Variants in JPT2 observed in about 807,000 individuals in gnomAD.
The protein encoded by JPT2 is Jupiter microtubule associated homolog 2.
A neutral mutation model predicts 15.9 loss-of-function variants in JPT2; 9 were observed. The ratio of observed to expected loss-of-function variants is 0.57; its 90% CI spans 0.34 to 0.99. The LOEUF (loss-of-function observed/expected upper bound fraction) is 0.99. Among genes scored for constraint, JPT2 ranks in the 50% least tolerant of loss-of-function variants. The probability of loss-of-function intolerance (pLI) is 0.02; values close to 1 mark genes in which losing one functional copy is unlikely to be tolerated. For missense variants in JPT2, 267 were observed against 252.1 expected, an observed-to-expected ratio of 1.06 and a Z score of -0.40; for synonymous variants, 95 against 91.7, an observed-to-expected ratio of 1.04 and a Z score of -0.21.
chr16:1,694,359 C>T (rs1035853104), intron 3 of JPT2, among the ~76,000 whole-genome samples: 3 of 152,142 alleles, frequency 2.0e-5, no homozygotes, highest in Admixed American at 6.6e-5. Context: ...CACAGAGCTG[C>T]GCTCAGAACA....
Position 1,699,858 on chromosome 16 carries a change from C to A in JPT2, c.*860C>A. ...ATGAGGCCCGCTGACCTCTGCGGGACTTTAAAAATCTATTCAGATATTTCC... is the reference window on the plus strand; with the variant it reads ...ATGAGGCCCGCTGACCTCTGCGGGAATTTAAAAATCTATTCAGATATTTCC... On this transcript the variant is annotated 3_prime_UTR_variant, in exon 5 of 5. Transcript: ENST00000248098. The A allele has an allele frequency of 3.5e-6, 1 of 285,068 alleles. No individual in the cohort carries two copies. Among genetic ancestry groups the A allele is most frequent in the Non-Finnish European group, 7.2e-6 (1 of 138,662 alleles). 17.7% of individuals were successfully genotyped at this position (285,068 alleles called of 1,614,324 possible). A position where few individuals can be genotyped will look rare whatever the true frequency, so the allele number is the denominator to read the frequency against.
intron 1 of JPT2, among the ~76,000 whole-genome samples, chr16:1,682,303 G>C (rs555779219): frequency 1.6e-4 from 25 of 152,210 alleles, no homozygotes; most frequent in African/African-American, 6.0e-4. Flanking sequence ...CTTGAACCTG[G>C]GAGGTGGAGG....
intron 2 of JPT2, chr16:1,690,594 T>G (rs2037097827): frequency 6.6e-6 from 1 of 152,202 alleles, no homozygotes; most frequent in Admixed American, 6.5e-5. Context: ...ATCAAAACTC[T>G]GTAAACAAAA....
intron 1 of JPT2, chr16:1,680,252 G>A: frequency 3.5e-6 from 3 of 851,802 alleles, no homozygotes; most frequent in Non-Finnish European, 4.3e-6. Flanking sequence ...CATTTAGTAC[G>A]TTTCCTTTTT....
chr16:1,698,944 T>C lies in JPT2; in HGVS notation c.519T>C (p.Ser173=), dbSNP rs1438266930. The change falls in exon 5 of 5, where the codon TCT becomes TCC. Residue 173 remains serine (S), a synonymous_variant. Transcript: ENST00000248098. This position sits in a 1 kb window ranked among gnomAD's most constrained non-coding sequence, Gnocchi z 4.9. ...CCCGGCTGGGGCCGCGGCCTCGCTC[T>C]CACAACAAGGTCCTGAACCCACCGG... ...HEPRLGPRPR[S]HNKVLNPPGG... The C allele has an allele frequency of 5.0e-6, 8 of 1,614,002 alleles. No homozygotes were observed. The highest frequency in any genetic ancestry group is 1.3e-5 in the African/African-American group (1 of 74,950).
In JPT2 at chr16:1,698,070, C is replaced by G. The variant is rs1306384288; in HGVS notation, c.385+210C>G. Among the ~76,000 whole-genome samples the G allele has an allele frequency of 1.3e-5, 2 of 152,242 alleles. No individual in the cohort carries two copies. Among genetic ancestry groups the G allele is most frequent in the Non-Finnish European group, 2.9e-5 (2 of 68,048 alleles). On this transcript the variant is annotated intron_variant, in intron 4 of 4. Coordinates refer to ENST00000248098, the MANE Select transcript of JPT2 (RefSeq NM_144570.3). The surrounding 1 kb of genome is among the most constrained non-coding windows in gnomAD (Gnocchi z 4.9). ...GGGACTTGGTTGTCTTGCTCATCAG[C>G]CTAGGCCCAGGGCCATGGGGTCGTC...
At chr16:1,679,433 C>T (rs939583802) in intron 1 of JPT2, among the ~76,000 whole-genome samples, 1 of 152,144 alleles carries the variant, frequency 6.6e-6, no homozygotes, top group Non-Finnish European at 1.5e-5. Context: ...TGGTGGCTCA[C>T]ACCTGTAATC....
intron 2 of JPT2, chr16:1,688,901 T>C (rs2037085967): frequency 1.3e-5 from 2 of 152,346 alleles, no homozygotes; most frequent in East Asian, 1.9e-4. Context: ...ACTACCTAGT[T>C]ATGAAGGTTA....
intron 3 of JPT2, among the ~76,000 whole-genome samples, chr16:1,696,026 C>G (rs779681972): frequency 6.6e-6 from 1 of 151,860 alleles, no homozygotes; most frequent in East Asian, 1.9e-4. Flanking sequence ...GTCAAGAGTT[C>G]GAGACCAGCC....
At chr16:1,702,533 G>A (rs2142233987), downstream of JPT2, among the ~76,000 whole-genome samples, 1 of 152,350 alleles carries the variant, frequency 6.6e-6, no homozygotes, top group Admixed American at 6.5e-5. Flanking sequence ...CGAGCCCCGT[G>A]CCTTGTCCAG....
Position 1,692,003 on chromosome 16 carries a change from A to T in JPT2, c.336+18A>T. 3 of 1,613,780 alleles carry T rather than the reference A, an allele frequency of 1.9e-6. No homozygotes were observed. Among genetic ancestry groups the T allele is most frequent in the Non-Finnish European group, 2.5e-6 (3 of 1,179,790 alleles). ...AACCCAAGGTATGGACTGCATTCAG[A>T]CGTGACAGCGCAGCAGCGGGTATGC... is the stretch of plus-strand genomic sequence containing the variant. On this transcript the variant is annotated intron_variant, in intron 3 of 4. Coordinates refer to ENST00000248098, the MANE Select transcript of JPT2 (RefSeq NM_144570.3).
intron 1 of JPT2, chr16:1,683,662 A>T: frequency 9.1e-7 from 1 of 1,099,082 alleles, no homozygotes; most frequent in Non-Finnish European, 1.3e-6. Flanking sequence ...CGGAGACTGA[A>T]GCACTCTCTG....
At chr16:1,682,916 C>G (rs1398697784) in intron 1 of JPT2, among the ~76,000 whole-genome samples, 1 of 152,162 alleles carries the variant, frequency 6.6e-6, no homozygotes, top group East Asian at 1.9e-4. Context: ...CTCAAGCCAG[C>G]CTTAGCCTCC....
In JPT2 at chr16:1,701,854, T is replaced by A. The variant is rs2037182144; in HGVS notation, c.*2856T>A. On this transcript the variant is annotated 3_prime_UTR_variant, in exon 5 of 5. Coordinates refer to ENST00000248098, the MANE Select transcript of JPT2 (RefSeq NM_144570.3). ...GAGTTTGAGACCAGCCTAGACAACA[T>A]ACTACGACCCTGTCTATACAAAAAA... The A allele has an allele frequency of 1.5e-5, 4 of 270,032 alleles. No homozygotes were observed. The highest frequency in any genetic ancestry group is 2.3e-5 in the Non-Finnish European group (3 of 131,194). The allele number at this position is 270,032 out of a possible 1,614,324, so 16.7% of individuals were successfully genotyped here. A position where few individuals can be genotyped will look rare whatever the true frequency, so the allele number is the denominator to read the frequency against.
chr16:1,692,053 C>A, intron 3 of JPT2, 68 bp downstream of exon 3: 1 of 1,575,558 alleles, frequency 6.3e-7, no homozygotes, highest in Non-Finnish European at 8.7e-7. Flanking sequence ...AAAAAGGCTC[C>A]AAGGCAGATG....
At position 1,678,460 on chromosome 16, in the gene JPT2, G is replaced by C. The variant is rs989522855; in HGVS notation, c.44+104G>C. On this transcript the variant is annotated intron_variant, in intron 1 of 4. Transcript: ENST00000248098. ...GCCGTGTGGGGTTGGGGTGGGGTTG[G>C]GGGGCAGGGCGACCTCACAGAGGCC... The C allele has an allele frequency of 1.4e-5, 15 of 1,089,496 alleles. No homozygotes were observed. The East Asian group carries it at 1.7e-4, about 12-fold the overall frequency. The allele number at this position is 1,089,496 out of a possible 1,614,324, so 67.5% of individuals were successfully genotyped here.
At chr16:1,692,124 GT>G in intron 3 of JPT2, 139 bp downstream of exon 3, 1 of 1,150,120 alleles carries the variant, frequency 8.7e-7, no homozygotes. Context: ...GCAAGCATTA[GT>G]CATCGAGTTT....
chr16:1,680,378 C>A, intron 1 of JPT2: 2 of 1,051,038 alleles, frequency 1.9e-6, no homozygotes, highest in Admixed American at 4.9e-5. Flanking sequence ...CACAGGGCCG[C>A]ACTAAAGTCA....
intron 1 of JPT2, among the ~76,000 whole-genome samples, chr16:1,679,362 T>C (rs1248046475): frequency 1.3e-5 from 2 of 152,190 alleles, no homozygotes; most frequent in Middle Eastern, 3.2e-3. Flanking sequence ...ATTGAATAAA[T>C]ACTAAGTAAA....
Sources: allele counts gnomAD v4.1 joint callset (sites outside exome capture counted in the v4.1 genomes callset), GRCh38; gene constraint gnomAD v4.1.1; non-coding constraint Gnocchi (gnomAD v3.1); transcripts MANE v1.5; gene names NCBI Gene and HGNC (gene_info 2026-07-23, HGNC 2026-07-21).